The following PXYLP1 variants were observed in gnomAD, a reference collection of about 807,000 sequenced individuals.
PXYLP1 encodes the protein acid phosphatase-like 2.
Under a neutral mutation model 37.9 loss-of-function variants are expected in PXYLP1, and 17 were observed. That is an observed-to-expected ratio of 0.45 (90% CI 0.31 to 0.67). The LOEUF (loss-of-function observed/expected upper bound fraction) is 0.67. Among genes scored for constraint, PXYLP1 ranks in the 30% least tolerant of loss-of-function variants. The pLI is 0.07. For missense variants in PXYLP1, 511 were observed against 612.0 expected, an observed-to-expected ratio of 0.84 and a Z score of 1.74; for synonymous variants, 221 against 232.2, an observed-to-expected ratio of 0.95 and a Z score of 0.44.
At chr3:141,287,225 T>C in intron 4 of PXYLP1, 89 bp from the exon 5 acceptor site, 1 of 1,438,656 alleles carries the variant, frequency 7.0e-7, no homozygotes, top group Non-Finnish European at 9.6e-7. Context: ...AAGGCTGCGA[T>C]ACACGTGGGA....
At chr3:141,268,570 G>A (rs529206495) in intron 2 of PXYLP1, among the ~76,000 whole-genome samples, 4 of 152,328 alleles carry the variant, frequency 2.6e-5, no homozygotes, top group African/African-American at 9.6e-5. Flanking sequence ...TGAAGTGAGT[G>A]CTGATCAGAG....
chr3:141,246,752 G>C (rs1335048498), intron 1 of PXYLP1, among the ~76,000 whole-genome samples: 1 of 152,250 alleles, frequency 6.6e-6, no homozygotes, highest in Non-Finnish European at 1.5e-5. Context: ...GTGGAGCTCA[G>C]TGTTGCCACA....
In PXYLP1 at chr3:141,292,388, G is replaced by A. The variant is rs570216740; in HGVS notation, c.626G>A (p.Arg209Gln). The A allele has an allele frequency of 1.4e-5, 23 of 1,614,152 alleles. No individual in the cohort carries two copies. The highest frequency in any genetic ancestry group is 2.2e-5 in the East Asian group (1 of 44,880). ...TATTTAGAGACCACTGGGAAAAGCC[G>A]GACCCTACAAAGTGGGCTGGCCTTG... Reference protein sequence around the residue: ...QLYLETTGKSRTLQSGLALLY... With the variant: ...QLYLETTGKSQTLQSGLALLY... The change falls in exon 6 of 6, where the codon CGG (arginine) becomes CAG (glutamine). Residue 209 changes from arginine to glutamine, a missense_variant. Transcript: ENST00000286353. This position sits in a 1 kb window ranked among gnomAD's most constrained non-coding sequence, Gnocchi z 4.3.
chr3:141,246,826 C>G (rs532120391), intron 1 of PXYLP1, among the ~76,000 whole-genome samples: 1 of 152,368 alleles, frequency 6.6e-6, no homozygotes, highest in South Asian at 2.1e-4. Context: ...TCCTCATAGT[C>G]TGGAGGTAGA....
At position 141,292,216 on chromosome 3, in the gene PXYLP1, G is replaced by T; in HGVS notation, c.506-52G>T. 4 of 1,524,246 alleles carry T rather than the reference G, an allele frequency of 2.6e-6. No homozygotes were observed. In the South Asian group the frequency reaches 5.2e-5, roughly 20 times the overall value. The allele number at this position is 1,524,246 out of a possible 1,614,324, so 94.4% of individuals were successfully genotyped here. A position where few individuals can be genotyped will look rare whatever the true frequency, so the allele number is the denominator to read the frequency against. On this transcript the variant is annotated intron_variant, in intron 5 of 5. Coordinates refer to ENST00000286353, the MANE Select transcript of PXYLP1 (RefSeq NM_001037172.3). The surrounding 1 kb of genome is among the most constrained non-coding windows in gnomAD (Gnocchi z 4.3). ...CACGCTGACTCCACCTCCCCTTGCT[G>T]TTTCTTTTGCTCAGCTGGAAGTAAG...
intron 1 of PXYLP1, among the ~76,000 whole-genome samples, chr3:141,233,931 C>G (rs985199118): frequency 6.6e-6 from 1 of 152,170 alleles, no homozygotes; most frequent in Non-Finnish European, 1.5e-5. Flanking sequence ...TGTGATGAGT[C>G]GCTGTCAGAT....
intron 2 of PXYLP1, among the ~76,000 whole-genome samples, chr3:141,268,947 C>T (rs73232946): frequency 0.034 from 5,248 of 152,298 alleles, 151 homozygotes; most frequent in South Asian, 0.099. Flanking sequence ...CTGTGTCATC[C>T]GAGGGGCTGG....
chr3:141,234,484 G>A (rs1397593521), intron 1 of PXYLP1, among the ~76,000 whole-genome samples: 1 of 152,194 alleles, frequency 6.6e-6, no homozygotes, highest in East Asian at 1.9e-4. Flanking sequence ...GGTACCACTT[G>A]CAGAGCCCCA....
intron 1 of PXYLP1, among the ~76,000 whole-genome samples, chr3:141,240,591 T>G (rs1940772129): frequency 6.6e-6 from 1 of 152,110 alleles, no homozygotes; most frequent in East Asian, 1.9e-4. Flanking sequence ...TCCAGCCACA[T>G]GCCCAGGAGG....
At chr3:141,266,324 G>A (rs1941509971) in intron 2 of PXYLP1, among the ~76,000 whole-genome samples, 1 of 152,252 alleles carries the variant, frequency 6.6e-6, no homozygotes, top group Non-Finnish European at 1.5e-5. Flanking sequence ...GGGGACCGCT[G>A]GCAGGAGCCG....
intron 2 of PXYLP1, among the ~76,000 whole-genome samples, chr3:141,270,492 T>G (rs1369339335): frequency 6.6e-6 from 1 of 152,154 alleles, no homozygotes; most frequent in Non-Finnish European, 1.5e-5. Flanking sequence ...GGCGGGCATT[T>G]AAGATAATTT....
chr3:141,236,897 GTA>G (rs1466486689), intron 1 of PXYLP1, among the ~76,000 whole-genome samples: 1 of 152,098 alleles, frequency 6.6e-6, no homozygotes, highest in Non-Finnish European at 1.5e-5. Flanking sequence ...TATCTTGAAA[GTA>G]TAGAAAATTT....
At chr3:141,273,970 C>T (rs566158476) in intron 2 of PXYLP1, 1 of 985,736 alleles carries the variant, frequency 1.0e-6, no homozygotes, top group South Asian at 4.7e-5. Flanking sequence ...ATCCTTCCAT[C>T]TATTTATCTG....
At chr3:141,286,527 G>T (rs1055718764) in intron 4 of PXYLP1, among the ~76,000 whole-genome samples, 7 of 152,170 alleles carry the variant, frequency 4.6e-5, no homozygotes, top group Non-Finnish European at 8.8e-5. Flanking sequence ...GATAGCTCGT[G>T]GGAAGTGGTG....
intron 1 of PXYLP1, among the ~76,000 whole-genome samples, chr3:141,241,863 T>C (rs1311114397): frequency 2.6e-5 from 4 of 152,186 alleles, no homozygotes; most frequent in Non-Finnish European, 1.5e-5. Flanking sequence ...TGCTGGAGGC[T>C]GAGTAGGAGA....
chr3:141,273,824 A>G (rs1273282640), intron 2 of PXYLP1: 1 of 985,228 alleles, frequency 1.0e-6, no homozygotes, highest in Non-Finnish European at 1.2e-6. Context: ...GAGAAATTGC[A>G]TGCCCGTTGG....
At chr3:141,237,239 G>C (rs1940681894) in intron 1 of PXYLP1, among the ~76,000 whole-genome samples, 1 of 152,170 alleles carries the variant, frequency 6.6e-6, no homozygotes, top group Non-Finnish European at 1.5e-5. Flanking sequence ...ATAGGCATTG[G>C]TTTTCTCTAA....
At chr3:141,290,764 T>C (rs1463767842) in intron 5 of PXYLP1, among the ~76,000 whole-genome samples, 1 of 152,162 alleles carries the variant, frequency 6.6e-6, no homozygotes, top group Non-Finnish European at 1.5e-5. Context: ...CTGTAAATGG[T>C]TCAGGGCCTT....
chr3:141,268,747 A>G (rs1173518154), intron 2 of PXYLP1, among the ~76,000 whole-genome samples: 1 of 152,174 alleles, frequency 6.6e-6, no homozygotes, highest in African/African-American at 2.4e-5. Flanking sequence ...CCTCACTACC[A>G]TCCTGCCCTC....
Sources: allele counts gnomAD v4.1 joint callset (sites outside exome capture counted in the v4.1 genomes callset), GRCh38; gene constraint gnomAD v4.1.1; non-coding constraint Gnocchi (gnomAD v3.1); transcripts MANE v1.5; gene names NCBI Gene and HGNC (gene_info 2026-07-23, HGNC 2026-07-21).